The following PCDH11X variants were observed in gnomAD, a reference collection of about 807,000 sequenced individuals.
The protein encoded by PCDH11X is protocadherin-11 X-linked.
A neutral mutation model predicts 53.3 loss-of-function variants in PCDH11X; 18 were observed. That is an observed-to-expected ratio of 0.34 (90% CI 0.23 to 0.50). The LOEUF is 0.50. Ranked by LOEUF, PCDH11X falls within the 20% of genes least tolerant of loss-of-function variation. The pLI, the probability that PCDH11X is intolerant of heterozygous loss-of-function variation, is 0.98. For synonymous variants in PCDH11X, 279 were observed against 393.3 expected (o/e 0.71, Z 3.44); for missense variants, 570 against 1,032.4 (o/e 0.55, Z 6.14).
intron 1 of PCDH11X, among the ~76,000 whole-genome samples, chrX:91,807,918 CTT>C (rs1238478188): frequency 9.4e-6 from 1 of 106,461 alleles, no homozygotes; most frequent in African/African-American, 3.4e-5. Flanking sequence ...AGAAAAATAA[CTT>C]TAACCCATTA....
At chrX:92,419,025 GT>G (rs199957345) in intron 9 of PCDH11X, among the ~76,000 whole-genome samples, 27,180 of 98,297 alleles carry the variant, frequency 0.28, 3,486 homozygotes, top group Non-Finnish European at 0.35. Context: ...TTGTATTGGG[GT>G]TTTTTTTTTT....
chrX:92,398,997 C>T (rs1472066883), intron 9 of PCDH11X, among the ~76,000 whole-genome samples: 28 of 108,470 alleles, frequency 2.6e-4, no homozygotes, highest in African/African-American at 9.1e-4. Context: ...TTGAGACCAT[C>T]CTGGCTAACA....
At chrX:91,947,394 A>G (rs1329562468) in intron 6 of PCDH11X, among the ~76,000 whole-genome samples, 1 of 102,377 alleles carries the variant, frequency 9.8e-6, no homozygotes, top group Admixed American at 1.1e-4. Context: ...CACTTCCAAG[A>G]TGTGTTTTGC....
At chrX:92,392,041 A>C (rs2148578184) in intron 9 of PCDH11X, among the ~76,000 whole-genome samples, 1 of 110,827 alleles carries the variant, frequency 9.0e-6, no homozygotes, top group Admixed American at 9.6e-5. Flanking sequence ...TATTTTTTAA[A>C]ACCTCTTCAT....
At chrX:92,115,590 C>G (rs185596466) in intron 6 of PCDH11X, among the ~76,000 whole-genome samples, 2 of 110,502 alleles carry the variant, frequency 1.8e-5, no homozygotes, top group East Asian at 5.8e-4. Flanking sequence ...CATTCCGAGT[C>G]CCAAAACCTC....
intron 6 of PCDH11X, among the ~76,000 whole-genome samples, chrX:91,899,580 A>C (rs1264116530): frequency 9.1e-6 from 1 of 109,991 alleles, no homozygotes; most frequent in Non-Finnish European, 1.9e-5. Flanking sequence ...TCCTGAAATT[A>C]TATATATATA....
intron 6 of PCDH11X, among the ~76,000 whole-genome samples, chrX:92,143,375 GA>G (rs752490598): frequency 1.9e-4 from 21 of 112,245 alleles, no homozygotes; most frequent in Non-Finnish European, 3.8e-4. Flanking sequence ...GGCCCAGAAG[GA>G]AAAAGTGGTT....
At chrX:92,505,953 G>A (rs187672267) in intron 10 of PCDH11X, among the ~76,000 whole-genome samples, 1 of 110,285 alleles carries the variant, frequency 9.1e-6, no homozygotes, top group East Asian at 2.9e-4. Context: ...TCTTGATGTG[G>A]CTCTCAGCTT....
chrX:91,868,685 T>C (rs1241520515), intron 5 of PCDH11X, among the ~76,000 whole-genome samples: 1 of 111,957 alleles, frequency 8.9e-6, no homozygotes, highest in Non-Finnish European at 1.9e-5. Context: ...TAGTTTTATT[T>C]TCCTGATATT....
At chrX:92,225,011 G>A (rs1393537109) in intron 7 of PCDH11X, among the ~76,000 whole-genome samples, 2 of 111,237 alleles carry the variant, frequency 1.8e-5, no homozygotes, top group Non-Finnish European at 1.9e-5. Context: ...CTGTTAGTAT[G>A]TAGTATAGAA....
At chrX:92,525,522 A>G (rs1411938233) in intron 10 of PCDH11X, among the ~76,000 whole-genome samples, 1 of 107,150 alleles carries the variant, frequency 9.3e-6, no homozygotes, top group Non-Finnish European at 1.9e-5. Flanking sequence ...TCCCAGCTAC[A>G]TGGGTGGCTG....
At chrX:92,426,223 C>A (rs776671437) in intron 9 of PCDH11X, among the ~76,000 whole-genome samples, 4 of 88,056 alleles carry the variant, frequency 4.5e-5, no homozygotes, top group African/African-American at 1.7e-4. Flanking sequence ...ACCTATTAAC[C>A]TCAAAGTATA....
At chrX:92,232,490 A>T (rs1396339201) in intron 7 of PCDH11X, among the ~76,000 whole-genome samples, 1 of 111,747 alleles carries the variant, frequency 8.9e-6, no homozygotes, top group East Asian at 2.8e-4. Flanking sequence ...TTTGCTAGAA[A>T]TATAAATATC....
chrX:92,179,812 T>G (rs1468533971), intron 6 of PCDH11X, among the ~76,000 whole-genome samples: 1 of 111,716 alleles, frequency 9.0e-6, no homozygotes, highest in Non-Finnish European at 1.9e-5. Context: ...CAATCAAGAC[T>G]TTTTTCTACC....
chrX:92,075,859 C>T (rs2063765154), intron 6 of PCDH11X, among the ~76,000 whole-genome samples: 1 of 110,707 alleles, frequency 9.0e-6, no homozygotes, highest in South Asian at 3.8e-4. Flanking sequence ...TCAATTTCCC[C>T]AAGACATGCA....
chrX:92,491,610 A>G (rs1460157059), intron 10 of PCDH11X, among the ~76,000 whole-genome samples: 3 of 110,782 alleles, frequency 2.7e-5, no homozygotes, highest in Non-Finnish European at 5.7e-5. Context: ...CTCTCTTAGT[A>G]AACTTTTTGT....
chrX:92,060,027 A>G (rs1432532554), intron 6 of PCDH11X, among the ~76,000 whole-genome samples: 2 of 111,046 alleles, frequency 1.8e-5, no homozygotes, highest in Non-Finnish European at 3.8e-5. Context: ...TTTTATTCAT[A>G]GGTATAGATT....
At chrX:92,317,663 A>AT (rs1356659776) in intron 8 of PCDH11X, among the ~76,000 whole-genome samples, 3 of 111,589 alleles carry the variant, frequency 2.7e-5, no homozygotes, top group Non-Finnish European at 3.8e-5. Context: ...GTTCTAACAG[A>AT]TTTTTTTCGG....
intron 10 of PCDH11X, among the ~76,000 whole-genome samples, chrX:92,553,505 T>C (rs1406940188): frequency 9.1e-6 from 1 of 109,629 alleles, no homozygotes; most frequent in African/African-American, 3.3e-5. Flanking sequence ...TGTCAATTTG[T>C]TTAACTTTCC....
Sources: allele counts gnomAD v4.1 joint callset (sites outside exome capture counted in the v4.1 genomes callset), GRCh38; gene constraint gnomAD v4.1.1; transcripts MANE v1.5; gene names NCBI Gene and HGNC (gene_info 2026-07-23, HGNC 2026-07-21).